The following PHF21B variants were observed in gnomAD, a reference collection of about 807,000 sequenced individuals.
PHF21B encodes PHD finger protein 4.
A neutral mutation model predicts 62.2 loss-of-function variants in PHF21B; 22 were observed. The ratio of observed to expected loss-of-function variants is 0.35; its 90% CI spans 0.25 to 0.51. The LOEUF (loss-of-function observed/expected upper bound fraction) is 0.51, where lower values mean the gene tolerates loss of function less well. Among genes scored for constraint, PHF21B ranks in the 20% least tolerant of loss-of-function variants. The probability of loss-of-function intolerance (pLI) is 0.97; values close to 1 mark genes in which losing one functional copy is unlikely to be tolerated. For synonymous variants in PHF21B, 341 were observed against 314.7 expected (o/e 1.08, Z -0.88); for missense variants, 701 against 707.9 (o/e 0.99, Z 0.11).
intron 2 of PHF21B, among the ~76,000 whole-genome samples, chr22:44,954,529 G>A (rs193287201): frequency 3.9e-5 from 6 of 152,362 alleles, no homozygotes; most frequent in Admixed American, 2.0e-4. Context: ...CCGAGCCAGC[G>A]TGTGCAACAC....
chr22:44,899,226 C>G (rs1373583687), intron 5 of PHF21B, among the ~76,000 whole-genome samples: 1 of 150,766 alleles, frequency 6.6e-6, no homozygotes, highest in African/African-American at 2.4e-5. Context: ...GGCATAATGA[C>G]AGTTTTATAT....
intron 5 of PHF21B, among the ~76,000 whole-genome samples, chr22:44,912,732 G>T (rs981217559): frequency 5.9e-5 from 9 of 151,898 alleles, no homozygotes; most frequent in Non-Finnish European, 1.3e-4. Context: ...TAAAAAATTA[G>T]CCAGTAGTGG....
chr22:44,935,996 T>C (rs10483225), intron 2 of PHF21B, among the ~76,000 whole-genome samples: 13,067 of 152,282 alleles, frequency 0.086, 596 homozygotes, highest in Middle Eastern at 0.14. Context: ...GCTGGGGTAT[T>C]TTTAGAAGGA....
At chr22:44,903,308 C>T (rs2071193725) in intron 5 of PHF21B, among the ~76,000 whole-genome samples, 1 of 151,718 alleles carries the variant, frequency 6.6e-6, no homozygotes, top group African/African-American at 2.4e-5. Context: ...TTTTCTGCAG[C>T]CTGTGGCTCC....
At chr22:44,892,156 C>T (rs568086477) in intron 7 of PHF21B, among the ~76,000 whole-genome samples, 5 of 151,456 alleles carry the variant, frequency 3.3e-5, no homozygotes, top group South Asian at 2.1e-4. Flanking sequence ...GAATGAAGCC[C>T]TCCCTGTCTG....
rs183593652 is a variant in PHF21B, at chr22:44,967,386, A to G, written c.120+41159T>C. Among the ~76,000 whole-genome samples the G allele has an allele frequency of 4.7e-3, 707 of 151,886 alleles. 5 individuals are homozygous for G. Among genetic ancestry groups the G allele is most frequent in the African/African-American group, 0.016 (680 of 41,432 alleles). On this transcript the variant is annotated intron_variant, in intron 2 of 12. Transcript: ENST00000313237. The stretch of plus-strand genomic sequence containing the variant: ...CAGGTGCCCATCACCACACCTGGCT[A>G]ATTTTTTTGTATTTTTAGTAGAGAC...
chr22:44,980,607 A>G (rs1305600144), intron 2 of PHF21B, among the ~76,000 whole-genome samples: 1 of 152,210 alleles, frequency 6.6e-6, no homozygotes, highest in Non-Finnish European at 1.5e-5. Flanking sequence ...CACTGCCATC[A>G]GAGGCAAATT....
intron 9 of PHF21B, among the ~76,000 whole-genome samples, chr22:44,888,569 T>C (rs2070901719): frequency 6.6e-6 from 1 of 152,180 alleles, no homozygotes; most frequent in Non-Finnish European, 1.5e-5. Flanking sequence ...CCACTGCTTA[T>C]GTGGACACTG....
chr22:44,901,091 GCTGCAGAGCCAC>G (rs1380278220), intron 5 of PHF21B, among the ~76,000 whole-genome samples: 1 of 152,248 alleles, frequency 6.6e-6, no homozygotes, highest in East Asian at 1.9e-4. Flanking sequence ...AGCTGAGGGG[GCTGCAGAGCCAC>G]CTGACTGGGA....
At chr22:44,941,064 G>A (rs757301507) in intron 2 of PHF21B, among the ~76,000 whole-genome samples, 1 of 152,170 alleles carries the variant, frequency 6.6e-6, no homozygotes, top group Non-Finnish European at 1.5e-5. Context: ...ACAGCACCCC[G>A]CAGCGCCATG....
At chr22:44,991,470 G>A (rs781366449) in intron 2 of PHF21B, among the ~76,000 whole-genome samples, 5 of 152,144 alleles carry the variant, frequency 3.3e-5, no homozygotes, top group Non-Finnish European at 7.4e-5. Flanking sequence ...CCCACTGAGC[G>A]TCCTCCCCCA....
chr22:44,907,470 C>A (rs539803575), intron 5 of PHF21B, among the ~76,000 whole-genome samples: 2 of 152,268 alleles, frequency 1.3e-5, no homozygotes, highest in East Asian at 1.9e-4. Context: ...GTGCCTGGTG[C>A]GGAGTGGGGC....
intron 5 of PHF21B, among the ~76,000 whole-genome samples, chr22:44,907,200 C>T (rs1278980496): frequency 1.3e-5 from 2 of 152,192 alleles, no homozygotes; most frequent in Admixed American, 6.5e-5. Context: ...GCCTCTGCTC[C>T]GAGTTGCTTC....
intron 5 of PHF21B, among the ~76,000 whole-genome samples, chr22:44,912,403 T>G (rs2071358506): frequency 6.6e-6 from 1 of 152,176 alleles, no homozygotes; most frequent in African/African-American, 2.4e-5. Flanking sequence ...AATTCCCACA[T>G]GTTGTAGGAG....
intron 2 of PHF21B, among the ~76,000 whole-genome samples, chr22:44,943,896 G>C (rs911482741): frequency 6.6e-6 from 1 of 152,190 alleles, no homozygotes; most frequent in Non-Finnish European, 1.5e-5. Context: ...CCTAGCAACT[G>C]GGTCTCATGC....
At position 44,984,859 on chromosome 22, in the gene PHF21B, C is replaced by T. The variant is rs534764142; in HGVS notation, c.120+23686G>A. Among the ~76,000 whole-genome samples, 9 of 152,290 alleles carry T rather than the reference C, an allele frequency of 5.9e-5. No individual in the cohort carries two copies. In the East Asian group the frequency reaches 7.7e-4, roughly 13 times the overall value. On this transcript the variant is annotated intron_variant, in intron 2 of 12. Coordinates refer to ENST00000313237, the MANE Select transcript of PHF21B (RefSeq NM_138415.5). ...ACAAGCCCTGCAGAAGAGGAACGGACGGCACCCTGGGCCTGACCTGAGATT... is the reference window on the plus strand; with the variant it reads ...ACAAGCCCTGCAGAAGAGGAACGGATGGCACCCTGGGCCTGACCTGAGATT...
chr22:44,915,134 C>G (rs549255778), intron 4 of PHF21B, among the ~76,000 whole-genome samples: 9 of 152,250 alleles, frequency 5.9e-5, no homozygotes, highest in African/African-American at 1.9e-4. Context: ...CTGTCTTCCT[C>G]TTTGTATCAC....
chr22:44,917,107 T>G (rs1203322118), intron 3 of PHF21B, among the ~76,000 whole-genome samples: 1 of 152,140 alleles, frequency 6.6e-6, no homozygotes, highest in African/African-American at 2.4e-5. Flanking sequence ...GCTGCTGCGC[T>G]CCCGTGAAAA....
At chr22:44,937,953 T>C (rs551466105) in intron 2 of PHF21B, among the ~76,000 whole-genome samples, 5 of 152,390 alleles carry the variant, frequency 3.3e-5, no homozygotes, top group Admixed American at 6.5e-5. Flanking sequence ...TCTGAGGTGA[T>C]GCAAATGCTC....
Sources: allele counts gnomAD v4.1 joint callset (sites outside exome capture counted in the v4.1 genomes callset), GRCh38; gene constraint gnomAD v4.1.1; transcripts MANE v1.5; gene names NCBI Gene and HGNC (gene_info 2026-07-23, HGNC 2026-07-21).